The following SLC9A4 variants were observed in gnomAD, a reference collection of about 807,000 sequenced individuals.
SLC9A4 encodes solute carrier family 9 member A4, also known as sodium/hydrogen exchanger 4.
Under a neutral mutation model 67.4 loss-of-function variants are expected in SLC9A4, and 63 were observed. That is an observed-to-expected ratio of 0.93 (90% CI 0.76 to 1.15). SLC9A4 has a LOEUF of 1.15. SLC9A4 is among the 50% of genes most tolerant of loss of function. The pLI is 0.00. For missense variants in SLC9A4, 1,089 were observed against 987.7 expected, an observed-to-expected ratio of 1.10 and a Z score of -1.38; for synonymous variants, 393 against 367.2, an observed-to-expected ratio of 1.07 and a Z score of -0.80.
At chr2:102,478,728 T>G in intron 1 of SLC9A4, 111 bp from the exon 2 acceptor site, 1 of 1,056,524 alleles carries the variant, frequency 9.5e-7, no homozygotes, top group Non-Finnish European at 1.4e-6. Context: ...ACGCTGAGGC[T>G]GAGATGCCAG....
intron 1 of SLC9A4, among the ~76,000 whole-genome samples, chr2:102,475,253 T>C (rs1684303420): frequency 6.6e-6 from 1 of 152,244 alleles, no homozygotes; most frequent in South Asian, 2.1e-4. Context: ...TGTGAAATCA[T>C]ATAGACACTG....
chr2:102,504,172 C>T (rs1234446226), intron 3 of SLC9A4, among the ~76,000 whole-genome samples: 1 of 152,210 alleles, frequency 6.6e-6, no homozygotes, highest in Non-Finnish European at 1.5e-5. Flanking sequence ...CCTGCCTCAG[C>T]CTCCTGAGTA....
intron 6 of SLC9A4, among the ~76,000 whole-genome samples, chr2:102,510,311 G>T (rs994220965): frequency 3.8e-5 from 2 of 53,128 alleles, no homozygotes; most frequent in African/African-American, 5.9e-5. Flanking sequence ...ATAGATATAG[G>T]AAGAGATTTG....
chr2:102,492,608 G>A (rs1279492812), intron 2 of SLC9A4, among the ~76,000 whole-genome samples: 1 of 114,138 alleles, frequency 8.8e-6, no homozygotes, highest in Admixed American at 9.8e-5. Flanking sequence ...GGGGGGCCCT[G>A]GCCTCAGTCC....
chr2:102,513,398 A>G (rs1457389244), intron 7 of SLC9A4, among the ~76,000 whole-genome samples: 3 of 152,208 alleles, frequency 2.0e-5, no homozygotes, highest in Non-Finnish European at 2.9e-5. Context: ...AAATGATTGA[A>G]AGTGTTGAAA....
Position 102,473,385 on chromosome 2 carries a change from C to T in SLC9A4, c.-375C>T. 4.5e-6 allele frequency: 1 copy of T among 221,546 alleles called. No individual in the cohort carries two copies. The highest frequency in any genetic ancestry group is 7.2e-5 in the South Asian group (1 of 13,856). The allele number at this position is 221,546 out of a possible 1,614,324, so 13.7% of individuals were successfully genotyped here. On this transcript the variant is annotated 5_prime_UTR_variant, in exon 1 of 12. Transcript: ENST00000295269. Reference sequence around the variant, plus strand: ...ACTACAGTATCCTTTTAAATTTTCACCCACAAGACAAAGCCAGTATGCAGT... The same window carrying T: ...ACTACAGTATCCTTTTAAATTTTCATCCACAAGACAAAGCCAGTATGCAGT...
In SLC9A4 at chr2:102,533,506, A is replaced by T. The variant is rs1426365200; in HGVS notation, c.*818A>T. 6.6e-6 allele frequency: 1 copy of T among 151,112 alleles called. No homozygotes were observed. The highest frequency in any genetic ancestry group is 1.5e-5 in the Non-Finnish European group (1 of 67,972). The allele number at this position is 151,112 out of a possible 1,614,324, so 9.4% of individuals were successfully genotyped here. A position where few individuals can be genotyped will look rare whatever the true frequency, so the allele number is the denominator to read the frequency against. On this transcript the variant is annotated 3_prime_UTR_variant, in exon 12 of 12. Coordinates refer to ENST00000295269, the MANE Select transcript of SLC9A4 (RefSeq NM_001011552.4). The stretch of plus-strand genomic sequence containing the variant: ...TTCTTTTATTATTATTATTATTATT[A>T]TTATACTTTAAGTTTTAGGGTACAT...
intron 8 of SLC9A4, among the ~76,000 whole-genome samples, chr2:102,515,648 A>T (rs1250731203): frequency 6.6e-6 from 1 of 151,938 alleles, no homozygotes; most frequent in East Asian, 1.9e-4. Context: ...TATTATTTAA[A>T]ATGTTGATAT....
At position 102,508,222 on chromosome 2, in the gene SLC9A4, A is replaced by G; in HGVS notation, c.1342A>G (p.Arg448Gly). 5 of 1,614,118 alleles carry G rather than the reference A, an allele frequency of 3.1e-6. No individual in the cohort carries two copies. Among genetic ancestry groups the G allele is most frequent in the Middle Eastern group, 1.6e-4 (1 of 6,062 alleles). ...AFLLPLSLFP[R>G]KKMFVTATLV... Reference sequence around the variant, plus strand: ...TTTGCTTCCTCTGTCTCTTTTTCCTAGGAAGAAAATGTTTGTCACTGCTAC... The same window carrying G: ...TTTGCTTCCTCTGTCTCTTTTTCCTGGGAAGAAAATGTTTGTCACTGCTAC... The change falls in exon 5 of 12, where the codon AGG (arginine) becomes GGG (glycine). Residue 448 changes from arginine (R) to glycine (G), a missense_variant. By Grantham distance (125) the Arg-to-Gly change is moderately radical. Transcript: ENST00000295269.
chr2:102,533,271 T>C lies in SLC9A4; in HGVS notation c.*583T>C, dbSNP rs137884772. 6.5e-6 allele frequency: 1 copy of C among 153,496 alleles called. No homozygotes were observed. The highest frequency in any genetic ancestry group is 2.4e-5 in the African/African-American group (1 of 41,446). The allele number at this position is 153,496 out of a possible 1,614,324, so 9.5% of individuals were successfully genotyped here. ...TTATGAATTTGCTTTATTTAATCAG[T>C]AGCAATGATAGATGTGATGCATACT... is the stretch of plus-strand genomic sequence containing the variant. On this transcript the variant is annotated 3_prime_UTR_variant, in exon 12 of 12. Transcript: ENST00000295269.
At chr2:102,495,396 A>G (rs1324600722) in intron 2 of SLC9A4, among the ~76,000 whole-genome samples, 1 of 152,136 alleles carries the variant, frequency 6.6e-6, no homozygotes, top group African/African-American at 2.4e-5. Flanking sequence ...TGTCATATTC[A>G]TTAATGGAAG....
Position 102,532,907 on chromosome 2 carries a change from C to A in SLC9A4, c.*219C>A. 1 of 463,412 alleles carries A rather than the reference C, an allele frequency of 2.2e-6. No homozygotes were observed. Among genetic ancestry groups the A allele is most frequent in the East Asian group, 3.4e-5 (1 of 29,136 alleles). The allele number at this position is 463,412 out of a possible 1,614,324, so 28.7% of individuals were successfully genotyped here. On this transcript the variant is annotated 3_prime_UTR_variant, in exon 12 of 12. Coordinates refer to ENST00000295269, the MANE Select transcript of SLC9A4 (RefSeq NM_001011552.4). ...TTGTGGGGTACCTTTAGATGAATTCCCTGTGAGTGAGAGAAGTTGATCACC... is the reference window on the plus strand; with the variant it reads ...TTGTGGGGTACCTTTAGATGAATTCACTGTGAGTGAGAGAAGTTGATCACC...
At chr2:102,493,773 A>G (rs1189908792) in intron 2 of SLC9A4, among the ~76,000 whole-genome samples, 1 of 151,814 alleles carries the variant, frequency 6.6e-6, no homozygotes, top group African/African-American at 2.4e-5. Flanking sequence ...ATGGTCCCTC[A>G]TTGTCCCTTA....
At chr2:102,528,517 C>T (rs916421929) in intron 11 of SLC9A4, among the ~76,000 whole-genome samples, 2 of 151,972 alleles carry the variant, frequency 1.3e-5, no homozygotes, top group Non-Finnish European at 1.5e-5. Context: ...CCTCCTGCCT[C>T]GCCTCCTAAC....
chr2:102,501,465 G>A (rs1211268827), intron 2 of SLC9A4, among the ~76,000 whole-genome samples: 3 of 151,812 alleles, frequency 2.0e-5, no homozygotes, highest in Non-Finnish European at 2.9e-5. Flanking sequence ...GGCTGGTCTC[G>A]AACTTCTGAC....
Position 102,479,127 on chromosome 2 carries a change from A to T in SLC9A4, c.545A>T (p.Gln182Leu). Residue 182 changes from glutamine (Q) to leucine (L), a missense_variant, in exon 2 of 12, where the codon CAG (glutamine) becomes CTG (leucine). By Grantham distance (113) the Gln-to-Leu change is moderately radical (BLOSUM62 -2). Coordinates refer to ENST00000295269, the MANE Select transcript of SLC9A4 (RefSeq NM_001011552.4). Reference sequence around the variant, plus strand: ...GGCCTCTCCCTCTACCTCATCTGCCAGGTGAAGGCCTTTGGCCTGGGCGAC... The same window carrying T: ...GGCCTCTCCCTCTACCTCATCTGCCTGGTGAAGGCCTTTGGCCTGGGCGAC... ...GIGLSLYLIC[Q>L]VKAFGLGDVN... 6.2e-7 allele frequency: 1 copy of T among 1,614,148 alleles called. No homozygotes were observed. Among genetic ancestry groups the T allele is most frequent in the Non-Finnish European group, 8.5e-7 (1 of 1,180,006 alleles).
At chr2:102,516,761 C>T (rs1235002946) in intron 8 of SLC9A4, among the ~76,000 whole-genome samples, 1 of 152,132 alleles carries the variant, frequency 6.6e-6, no homozygotes. Context: ...TATGAAGCAG[C>T]TCATCTCACC....
At position 102,473,928 on chromosome 2, in the gene SLC9A4, A is replaced by G. The variant is rs1303142980; in HGVS notation, c.169A>G (p.Ile57Val). 1 of 1,614,036 alleles carries G rather than the reference A, an allele frequency of 6.2e-7. No individual in the cohort carries two copies. Among genetic ancestry groups the G allele is most frequent in the South Asian group, 1.1e-5 (1 of 91,078 alleles). The change falls in exon 1 of 12, where the codon ATA (isoleucine) becomes GTA (valine). Residue 57 changes from isoleucine to valine, a missense_variant. By Grantham distance (29) the Ile-to-Val change is conservative. Coordinates refer to ENST00000295269, the MANE Select transcript of SLC9A4 (RefSeq NM_001011552.4). The stretch of plus-strand genomic sequence containing the variant: ...TGCCAGCTCAGAGCCAGAGGAAGGG[A>G]TATCTGTTTTTGAACTGGATTATGA... ...AAASSEPEEG[I>V]SVFELDYDYV...
At chr2:102,514,813 G>A (rs191581331) in intron 8 of SLC9A4, among the ~76,000 whole-genome samples, 30 of 152,204 alleles carry the variant, frequency 2.0e-4, no homozygotes, top group Non-Finnish European at 3.7e-4. Flanking sequence ...GTCTATGTGA[G>A]ACCAGCTTGG....
Sources: gnomAD v4.1 joint callset for allele counts (sites outside exome capture counted in the v4.1 genomes callset) on GRCh38, gnomAD v4.1.1 for gene constraint, MANE v1.5 for transcripts, NCBI Gene and HGNC (gene_info 2026-07-23, HGNC 2026-07-21) for gene names.